NCAM1: variants seen among roughly 807,000 people sequenced by gnomAD.
NCAM1 encodes the protein antigen recognized by monoclonal antibody 5.1H11.
Under a neutral mutation model 109.8 loss-of-function variants are expected in NCAM1, and 14 were observed. That is an observed-to-expected ratio of 0.13 (90% CI 0.08 to 0.20). NCAM1 has a LOEUF of 0.20. Among genes scored for constraint, NCAM1 ranks in the 10% least tolerant of loss-of-function variants. NCAM1 has a pLI of 1.00. For synonymous variants in NCAM1, 418 were observed against 442.9 expected (o/e 0.94, Z 0.70); for missense variants, 774 against 1,109.9 (o/e 0.70, Z 4.30).
chr11:113,053,224 A>G (rs1362335905), intron 1 of NCAM1, among the ~76,000 whole-genome samples: 2 of 152,214 alleles, frequency 1.3e-5, no homozygotes, highest in African/African-American at 4.8e-5. Flanking sequence ...ATGTTCCTGC[A>G]AAGGACATGA....
intron 1 of NCAM1, among the ~76,000 whole-genome samples, chr11:113,057,159 A>C (rs1953742445): frequency 6.6e-6 from 1 of 152,180 alleles, no homozygotes; most frequent in South Asian, 2.1e-4. Flanking sequence ...AAAGATGAAG[A>C]GTAATGTCAG....
chr11:113,034,430 T>C (rs569392399), intron 1 of NCAM1, among the ~76,000 whole-genome samples: 1 of 152,354 alleles, frequency 6.6e-6, no homozygotes, highest in South Asian at 2.1e-4. Context: ...TTTCCCTTTA[T>C]TAAGAAAGGA....
chr11:113,106,871 C>T (rs1490403877), intron 1 of NCAM1, among the ~76,000 whole-genome samples: 1 of 152,206 alleles, frequency 6.6e-6, no homozygotes, highest in Non-Finnish European at 1.5e-5. Context: ...GTAAAAATGG[C>T]AGTCAGAACA....
rs1430296583 is a variant in NCAM1 at position 113,271,839 on chromosome 11, A to T, written c.2419A>T (p.Thr807Ser). 4 of 1,572,438 alleles carry T rather than the reference A, an allele frequency of 2.5e-6. No individual in the cohort carries two copies. In the African/African-American group the frequency reaches 5.4e-5, roughly 21 times the overall value. The part of the protein sequence containing the change: ...RTPNHDGGKH[T>S]EPNETTPLTE... Reference sequence around the variant, plus strand: ...CCCAAACCATGATGGAGGGAAACACACAGAGCCCAACGAGACCACGCCACT... The same window carrying T: ...CCCAAACCATGATGGAGGGAAACACTCAGAGCCCAACGAGACCACGCCACT... The change falls in exon 19 of 20, where the codon ACA becomes TCA. Residue 807 changes from threonine to serine, a missense_variant. Physicochemically the swap from Thr to Ser is moderately conservative, Grantham distance 58 (BLOSUM62 1). Around this residue, in one of 4 missense-constraint regions of NCAM1, gnomAD observed 122 missense variants for 129.7 expected, o/e 0.94. Coordinates refer to ENST00000316851, the MANE Select transcript of NCAM1 (RefSeq NM_181351.5).
chr11:113,226,112 A>G (rs597216), intron 9 of NCAM1, among the ~76,000 whole-genome samples: 64,601 of 152,026 alleles, frequency 0.42, 14,266 homozygotes, highest in African/African-American at 0.55. Flanking sequence ...TGGGCTAAAT[A>G]CTCCAATTAA....
intron 1 of NCAM1, among the ~76,000 whole-genome samples, chr11:113,183,395 A>C (rs972082953): frequency 3.9e-5 from 6 of 152,296 alleles, no homozygotes; most frequent in Admixed American, 3.9e-4. Flanking sequence ...TTCAAAATGC[A>C]TTTTTTACCC....
intron 1 of NCAM1, among the ~76,000 whole-genome samples, chr11:113,153,441 A>G (rs540667476): frequency 4.5e-4 from 65 of 144,974 alleles, no homozygotes; most frequent in Non-Finnish European, 5.2e-4. Context: ...GGGGGGGCAC[A>G]GAGACAGAGA....
At chr11:113,260,478 T>G in intron 17 of NCAM1, 155 bp downstream of exon 17, 1 of 788,336 alleles carries the variant, frequency 1.3e-6, no homozygotes, top group Non-Finnish European at 2.0e-6. Flanking sequence ...CTTGTACCTA[T>G]CTGTGCAGTG....
At chr11:113,270,595 C>T in intron 18 of NCAM1, 200 bp downstream of exon 18, 1 of 590,534 alleles carries the variant, frequency 1.7e-6, no homozygotes, top group Non-Finnish European at 3.0e-6. Context: ...GAAATGTAGA[C>T]TCTTGAGCCC....
At chr11:112,986,010 C>G (rs1356359462) in intron 1 of NCAM1, among the ~76,000 whole-genome samples, 1 of 151,896 alleles carries the variant, frequency 6.6e-6, no homozygotes, top group African/African-American at 2.4e-5. Context: ...GAATATCTTT[C>G]AACTTTTTAA....
intron 1 of NCAM1, among the ~76,000 whole-genome samples, chr11:113,041,600 G>A (rs1257064358): frequency 6.6e-6 from 1 of 152,126 alleles, no homozygotes; most frequent in Non-Finnish European, 1.5e-5. Context: ...CGCTCATCAG[G>A]GTGTAATAGG....
intron 1 of NCAM1, among the ~76,000 whole-genome samples, chr11:113,022,812 A>G (rs931061960): frequency 2.0e-5 from 3 of 152,280 alleles, no homozygotes; most frequent in South Asian, 2.1e-4. Context: ...AATCTTTATT[A>G]CTAGGATCTT....
intron 1 of NCAM1, among the ~76,000 whole-genome samples, chr11:113,031,846 C>G (rs191951144): frequency 6.6e-6 from 1 of 152,302 alleles, no homozygotes; most frequent in East Asian, 1.9e-4. Context: ...TTGGGGGTTA[C>G]AAATAAATTT....
chr11:113,046,139 A>G (rs1555080762), intron 1 of NCAM1, among the ~76,000 whole-genome samples: 1 of 152,234 alleles, frequency 6.6e-6, no homozygotes, highest in East Asian at 1.9e-4. Context: ...AAAACAGATT[A>G]AAATACTCTG....
At position 113,236,334 on chromosome 11, in the gene NCAM1, C is replaced by G. The variant is rs782168680; in HGVS notation, c.1825+1170C>G. On this transcript the variant is annotated intron_variant, in intron 14 of 19. Transcript: ENST00000316851. ...CCTCCACGTAAGTGCCTCTTCATACCTCATTACCTGTTTCCATAGCGTTAA... is the reference window on the plus strand; with the variant it reads ...CCTCCACGTAAGTGCCTCTTCATACGTCATTACCTGTTTCCATAGCGTTAA... 26 of 1,611,074 alleles carry G rather than the reference C, an allele frequency of 1.6e-5. No homozygotes were observed. In the East Asian group the frequency reaches 3.8e-4, roughly 23 times the overall value.
chr11:113,198,572 A>AC (rs1428066244), intron 1 of NCAM1, among the ~76,000 whole-genome samples: 1 of 152,004 alleles, frequency 6.6e-6, no homozygotes, highest in East Asian at 1.9e-4. Context: ...GGGTCTCCTG[A>AC]CCTTGTGATC....
At chr11:113,157,565 C>G (rs782772915) in intron 1 of NCAM1, among the ~76,000 whole-genome samples, 12 of 152,028 alleles carry the variant, frequency 7.9e-5, no homozygotes, top group Non-Finnish European at 1.6e-4. Flanking sequence ...ATTTTTGGTT[C>G]AGGCTTCTCT....
intron 1 of NCAM1, among the ~76,000 whole-genome samples, chr11:113,066,829 T>C (rs984521204): frequency 1.3e-5 from 2 of 151,658 alleles, no homozygotes; most frequent in Non-Finnish European, 2.9e-5. Context: ...TGAAACCCCA[T>C]CTCTACTAAA....
intron 1 of NCAM1, among the ~76,000 whole-genome samples, chr11:113,148,420 T>C (rs1555101779): frequency 2.6e-5 from 4 of 150,998 alleles, no homozygotes; most frequent in Non-Finnish European, 5.9e-5. Context: ...TCAAACTCCA[T>C]ATCTCATTTG....
Sources: allele counts gnomAD v4.1 joint callset (sites outside exome capture counted in the v4.1 genomes callset), GRCh38; gene constraint gnomAD v4.1.1; regional missense constraint gnomAD v4.1.1; transcripts MANE v1.5; gene names NCBI Gene and HGNC (gene_info 2026-07-23, HGNC 2026-07-21).